Variants in EIF3H observed in about 807,000 individuals in gnomAD.
The protein encoded by EIF3H is eukaryotic translation initiation factor 3 subunit H.
A neutral mutation model predicts 44.2 loss-of-function variants in EIF3H; 26 were observed. That is an observed-to-expected ratio of 0.59 (90% CI 0.43 to 0.82). The LOEUF (loss-of-function observed/expected upper bound fraction) is 0.82. Ranked by LOEUF, EIF3H falls within the 40% of genes least tolerant of loss-of-function variation. EIF3H has a pLI of 0.00. For synonymous variants in EIF3H, 166 were observed against 151.9 expected, an observed-to-expected ratio of 1.09 and a Z score of -0.68; for missense variants, 359 against 432.8, an observed-to-expected ratio of 0.83 and a Z score of 1.51.
chr8:116,716,013 C>G (rs577616535), intron 2 of EIF3H, among the ~76,000 whole-genome samples: 2 of 149,956 alleles, frequency 1.3e-5, no homozygotes, highest in Non-Finnish European at 3.0e-5. Context: ...AAGGAGTTAC[C>G]ACATGTGCAA....
intron 2 of EIF3H, among the ~76,000 whole-genome samples, chr8:116,660,655 T>G (rs2130797739): frequency 6.6e-6 from 1 of 152,328 alleles, no homozygotes; most frequent in South Asian, 2.1e-4. Context: ...ACTGCACTAC[T>G]GTAAAGATGT....
rs143024399 is a variant in EIF3H, at chr8:116,719,199, C to T, written c.289+6817G>A. ...ACTTGGCAAGTTTGTAATCTTCTCT[C>T]AAATCAGAGTTGGGTGAAATATCAA... On this transcript the variant is annotated intron_variant, in intron 2 of 7. Coordinates refer to ENST00000521861, the MANE Select transcript of EIF3H (RefSeq NM_003756.3). 3.5e-4 allele frequency among the ~76,000 whole-genome samples: 54 copies of T among 152,294 alleles called. No individual in the cohort carries two copies. The East Asian group carries it at 9.6e-3, about 27-fold the overall frequency.
At chr8:116,683,969 A>G (rs1189858187) in intron 2 of EIF3H, among the ~76,000 whole-genome samples, 2 of 152,232 alleles carry the variant, frequency 1.3e-5, no homozygotes, top group African/African-American at 4.8e-5. Context: ...TAATCTTCCC[A>G]ACAGTTCAAC....
In EIF3H at chr8:116,752,764, G is replaced by A. The variant is rs1415039666; in HGVS notation, c.132+2902C>T. ...AAGAAAGAAAGAAAGAGGGAGGGAG[G>A]GAGGGAGGGAGGGAGGGAGGGAGGG... On this transcript the variant is annotated intron_variant, in intron 1 of 7. Transcript: ENST00000521861. Among the ~76,000 whole-genome samples the A allele has an allele frequency of 9.2e-3, 300 of 32,764 alleles. 12 individuals are homozygous for A. Among genetic ancestry groups the A allele is most frequent in the East Asian group, 0.054 (74 of 1,382 alleles). 21.5% of individuals were successfully genotyped at this position (32,764 alleles called of 152,430 possible). A position where few individuals can be genotyped will look rare whatever the true frequency, so the allele number is the denominator to read the frequency against.
chr8:116,708,356 T>C (rs1480497610), intron 2 of EIF3H, among the ~76,000 whole-genome samples: 1 of 152,106 alleles, frequency 6.6e-6, no homozygotes, highest in Non-Finnish European at 1.5e-5. Context: ...CTTAAAATTA[T>C]AAACCTTCAT....
Position 116,673,332 on chromosome 8 carries a change from C to T in EIF3H, c.290-14352G>A, listed in dbSNP as rs144218307. ...TATCTAAAAATTAATATTTCAATTA[C>T]GGGGATTTGATTCCGATCCTTTAAA... On this transcript the variant is annotated intron_variant, in intron 2 of 7. Coordinates refer to ENST00000521861, the MANE Select transcript of EIF3H (RefSeq NM_003756.3). Among the ~76,000 whole-genome samples the T allele has an allele frequency of 6.1e-3, 926 of 152,152 alleles. 6 individuals are homozygous for T. Among genetic ancestry groups the T allele is most frequent in the African/African-American group, 0.02 (849 of 41,516 alleles).
chr8:116,678,851 G>T (rs1048626439), intron 2 of EIF3H, among the ~76,000 whole-genome samples: 4 of 144,850 alleles, frequency 2.8e-5, no homozygotes, highest in Non-Finnish European at 6.2e-5. Context: ...CACCCCGACC[G>T]GGAGGGAGGT....
chr8:116,765,138 G>A (rs1012502545), intron 1 of EIF3H, among the ~76,000 whole-genome samples: 4 of 152,140 alleles, frequency 2.6e-5, no homozygotes. Flanking sequence ...CATAGTTGGA[G>A]TAGAGAGTTG....
intron 1 of EIF3H, among the ~76,000 whole-genome samples, chr8:116,752,799 A>G (rs35191674): frequency 0.016 from 1,308 of 83,588 alleles, 14 homozygotes; most frequent in East Asian, 0.078. Context: ...GAGGGAGGGA[A>G]GGAAGGAAGG....
chr8:116,696,946 T>G (rs187994499), intron 2 of EIF3H: 1 of 357,190 alleles, frequency 2.8e-6, no homozygotes, highest in African/African-American at 2.1e-5. Flanking sequence ...AGGCAGAACA[T>G]GTACACAAAC....
intron 2 of EIF3H, among the ~76,000 whole-genome samples, chr8:116,674,097 A>G (rs1463583151): frequency 1.7e-5 from 2 of 120,864 alleles, no homozygotes; most frequent in East Asian, 2.3e-4. Flanking sequence ...AAAAAAAAAG[A>G]TGAACACTTA....
chr8:116,679,196 C>T (rs1484810792), intron 2 of EIF3H, among the ~76,000 whole-genome samples: 7 of 79,486 alleles, frequency 8.8e-5, no homozygotes, highest in East Asian at 8.2e-4. Flanking sequence ...CCCGGCCAGC[C>T]GCCCCGTCCG....
chr8:116,760,337 C>G (rs949117387), upstream of EIF3H, among the ~76,000 whole-genome samples: 1 of 152,180 alleles, frequency 6.6e-6, no homozygotes, highest in Non-Finnish European at 1.5e-5. Flanking sequence ...AAGTCATAGG[C>G]CTCCTTTTGT....
intron 2 of EIF3H, among the ~76,000 whole-genome samples, chr8:116,663,934 A>C (rs1813626179): frequency 6.6e-6 from 1 of 151,362 alleles, no homozygotes. Flanking sequence ...CAGTCTCAAA[A>C]AAAAAAAAAA....
chr8:116,718,856 T>C (rs1293823693), intron 2 of EIF3H, among the ~76,000 whole-genome samples: 1 of 151,634 alleles, frequency 6.6e-6, no homozygotes, highest in Non-Finnish European at 1.5e-5. Context: ...AAACACCACC[T>C]GTTCCCCAAA....
intron 2 of EIF3H, among the ~76,000 whole-genome samples, chr8:116,723,040 C>T (rs1164781976): frequency 2.0e-5 from 3 of 152,230 alleles, no homozygotes; most frequent in South Asian, 2.1e-4. Flanking sequence ...TATTTTGTTT[C>T]GTTCGCCTAC....
intron 1 of EIF3H, among the ~76,000 whole-genome samples, chr8:116,731,335 G>A (rs1256900248): frequency 2.0e-5 from 3 of 152,132 alleles, no homozygotes; most frequent in South Asian, 4.1e-4. Context: ...AACTGATACC[G>A]GCTGGGTTCC....
intron 2 of EIF3H, among the ~76,000 whole-genome samples, chr8:116,671,069 C>T (rs1813745240): frequency 6.6e-6 from 1 of 152,292 alleles, no homozygotes; most frequent in Admixed American, 6.5e-5. Flanking sequence ...AGGCTCCTGC[C>T]AGATGTTTAA....
At chr8:116,740,672 A>G (rs966040892) in intron 1 of EIF3H, among the ~76,000 whole-genome samples, 5 of 152,064 alleles carry the variant, frequency 3.3e-5, no homozygotes, top group Admixed American at 3.3e-4. Context: ...CTTTGCAAAA[A>G]TGTAATGTTT....
Sources: allele counts gnomAD v4.1 joint callset (sites outside exome capture counted in the v4.1 genomes callset), GRCh38; gene constraint gnomAD v4.1.1; transcripts MANE v1.5; gene names NCBI Gene and HGNC (gene_info 2026-07-23, HGNC 2026-07-21).